The following CNTROB variants were observed in gnomAD, a reference collection of about 807,000 sequenced individuals.
The protein encoded by CNTROB is centrobin.
Under a neutral mutation model 115.7 loss-of-function variants are expected in CNTROB, and 82 were observed. The observed-to-expected ratio is 0.71, with a 90% CI of 0.59 to 0.85. CNTROB has a LOEUF of 0.85. Ranked by LOEUF, CNTROB falls within the 40% of genes least tolerant of loss-of-function variation. The pLI is 0.00. For missense variants in CNTROB, 1,014 were observed against 1,144.4 expected (o/e 0.89, Z 1.64); for synonymous variants, 439 against 456.4 (o/e 0.96, Z 0.49).
intron 3 of CNTROB, 132 bp from the exon 4 acceptor site, chr17:7,934,857 A>G (rs1972953139): frequency 2.0e-6 from 2 of 1,020,972 alleles, no homozygotes; most frequent in Non-Finnish European, 2.8e-6. Flanking sequence ...CTATGGTTAT[A>G]TAGCTTTACG....
In CNTROB at chr17:7,934,472, T is replaced by C. The variant is rs1972904302; in HGVS notation, c.363T>C (p.Pro121=). 4 of 1,614,118 alleles carry C rather than the reference T, an allele frequency of 2.5e-6. No homozygotes were observed. The East Asian group carries it at 8.9e-5, about 36-fold the overall frequency. The change falls in exon 3 of 19, where the codon CCT becomes CCC. Residue 121 remains proline, a synonymous_variant. Transcript: ENST00000563694. ...CCCTCTGGCTGCCTGCAGGGGATCC[T>C]CTCATTCCTGGCGCTGGCTCAGAGA... The part of the protein sequence containing the change: ...QTSRDTAYRD[P]LIPGAGSERR...
In CNTROB at chr17:7,939,796, G is replaced by A; in HGVS notation, c.1164+47G>A. 6.5e-7 allele frequency: 1 copy of A among 1,537,604 alleles called. No homozygotes were observed. The highest frequency in any genetic ancestry group is 9.0e-7 in the Non-Finnish European group (1 of 1,112,082). On this transcript the variant is annotated intron_variant, in intron 8 of 18. Coordinates refer to ENST00000563694, the MANE Select transcript of CNTROB (RefSeq NM_053051.5). The surrounding 1 kb of genome is among the most constrained non-coding windows in gnomAD (Gnocchi z 4.4). ...GCTGAGGAACTAGGGAGTAGATGAA[G>A]GGCAAAATAATTGAATGGGATGGAA... is the stretch of plus-strand genomic sequence containing the variant.
chr17:7,944,317 C>T lies in CNTROB; in HGVS notation c.1571+69C>T, dbSNP rs756759830. 4.8e-5 allele frequency: 76 copies of T among 1,567,390 alleles called. No individual in the cohort carries two copies. Among genetic ancestry groups the T allele is most frequent in the East Asian group, 2.5e-4 (11 of 44,684 alleles). On this transcript the variant is annotated intron_variant, in intron 11 of 18. Transcript: ENST00000563694. The surrounding 1 kb of genome is among the most constrained non-coding windows in gnomAD (Gnocchi z 4.0). ...CCATGGGTAGAGCCCAAACTGGGAACGGTGAAGAGCTGCTCCCTTGATTGA... is the reference window on the plus strand; with the variant it reads ...CCATGGGTAGAGCCCAAACTGGGAATGGTGAAGAGCTGCTCCCTTGATTGA...
Position 7,933,060 on chromosome 17 carries a change from G to T in CNTROB, c.-20G>T, listed in dbSNP as rs1243214584. 6.2e-7 allele frequency: 1 copy of T among 1,608,590 alleles called. No homozygotes were observed. The highest frequency in any genetic ancestry group is 2.2e-5 in the East Asian group (1 of 44,832). ...ACCTCCCAGCTCTTTGCTGTCTCCG[G>T]TTGTCTCTTCCCTGTATTCATGGCA... On this transcript the variant is annotated 5_prime_UTR_variant, in exon 1 of 19. Transcript: ENST00000563694.
chr17:7,948,857 GTTTTT>G lies in CNTROB; in HGVS notation c.2514-225_2514-221del, dbSNP rs764367404. On this transcript the variant is annotated intron_variant, in intron 17 of 18. Coordinates refer to ENST00000563694, the MANE Select transcript of CNTROB (RefSeq NM_053051.5). This position sits in a 1 kb window ranked among gnomAD's most constrained non-coding sequence, Gnocchi z 4.4. ...CTTTTCCCCGGGTCTCTCTACCTTC[GTTTTT>G]TTCCTCTTTACCCCTCAGCTCAAAA... 3.0e-5 allele frequency: 43 copies of G among 1,455,858 alleles called. No individual in the cohort carries two copies. Among genetic ancestry groups the G allele is most frequent in the Non-Finnish European group, 3.8e-5 (42 of 1,104,344 alleles). 90.2% of individuals were successfully genotyped at this position (1,455,858 alleles called of 1,614,324 possible). A position where few individuals can be genotyped will look rare whatever the true frequency, so the allele number is the denominator to read the frequency against.
chr17:7,934,929 T>A, intron 3 of CNTROB, 60 bp from the exon 4 acceptor site: 1 of 1,514,714 alleles, frequency 6.6e-7, no homozygotes, highest in Non-Finnish European at 8.8e-7. Flanking sequence ...AATATCACAG[T>A]TGGACAAGTG....
intron 14 of CNTROB, 95 bp downstream of exon 14, chr17:7,947,817 TG>T (rs1821867215): frequency 6.2e-7 from 1 of 1,605,638 alleles, no homozygotes; most frequent in African/African-American, 1.3e-5. Flanking sequence ...CCTCATTCCC[TG>T]TTTATGACTA....
chr17:7,940,207 A>G lies in CNTROB; in HGVS notation c.1276A>G (p.Arg426Gly), dbSNP rs1473690125. 3.7e-6 allele frequency: 6 copies of G among 1,611,124 alleles called. No individual in the cohort carries two copies. The highest frequency in any genetic ancestry group is 5.1e-6 in the Non-Finnish European group (6 of 1,179,338). Residue 426 changes from arginine (R) to glycine (G), a missense_variant, in exon 9 of 19, where the codon AGA becomes GGA. Coordinates refer to ENST00000563694, the MANE Select transcript of CNTROB (RefSeq NM_053051.5). ...AGAGCTGGATACAGCTCGGAGAGAG[A>G]GAGATGCCCTGCAGCTGGAAATGAG... is the stretch of plus-strand genomic sequence containing the variant. ...EGELDTARRE[R>G]DALQLEMSLV...
chr17:7,936,730 C>A lies in CNTROB; in HGVS notation c.741C>A (p.Asn247Lys). ...KTLARVVEGWNRHEAERTEVL... is the reference protein window; with the variant it reads ...KTLARVVEGWKRHEAERTEVL... ...TGGCCCGTGTGGTGGAGGGCTGGAA[C>A]CGGCATGAGGCTGAGCGGACAGAGG... Residue 247 changes from asparagine to lysine, a missense_variant, in exon 6 of 19, where the codon AAC becomes AAA. Physicochemically the swap from Asn to Lys is moderately conservative, Grantham distance 94 (BLOSUM62 0). Coordinates refer to ENST00000563694, the MANE Select transcript of CNTROB (RefSeq NM_053051.5). 1 of 1,538,794 alleles carries A rather than the reference C, an allele frequency of 6.5e-7. No homozygotes were observed. Among genetic ancestry groups the A allele is most frequent in the Non-Finnish European group, 9.0e-7 (1 of 1,111,162 alleles).
Position 7,949,580 on chromosome 17 carries a change from C to A in CNTROB, c.*70C>A. The A allele has an allele frequency of 6.9e-7, 1 of 1,456,596 alleles. No individual in the cohort carries two copies. Among genetic ancestry groups the A allele is most frequent in the East Asian group, 2.4e-5 (1 of 41,756 alleles). The allele number at this position is 1,456,596 out of a possible 1,614,324, so 90.2% of individuals were successfully genotyped here. ...TTAATAAATGCTCATTAGTCTGTAT[C>A]AGAGTCTCTGGCTCATAGGAATTTG... is the stretch of plus-strand genomic sequence containing the variant. On this transcript the variant is annotated 3_prime_UTR_variant, in exon 19 of 19. Transcript: ENST00000563694.
rs2151769721 is a variant in CNTROB at position 7,944,758 on chromosome 17, G to A, written c.1734+120G>A. The A allele has an allele frequency of 8.3e-7, 1 of 1,201,364 alleles. No homozygotes were observed. The highest frequency in any genetic ancestry group is 1.1e-6 in the Non-Finnish European group (1 of 882,096). The allele number at this position is 1,201,364 out of a possible 1,614,324, so 74.4% of individuals were successfully genotyped here. On this transcript the variant is annotated intron_variant, in intron 12 of 18. Coordinates refer to ENST00000563694, the MANE Select transcript of CNTROB (RefSeq NM_053051.5). This position sits in a 1 kb window ranked among gnomAD's most constrained non-coding sequence, Gnocchi z 4.0. ...ACTGGTGAGATCATAGCTCATTGCA[G>A]CCTCGAACTCCTGGGCTCAAGTGAT...
chr17:7,946,869 TAAAAAAA>T (rs35177972), intron 13 of CNTROB, among the ~76,000 whole-genome samples: 5 of 145,124 alleles, frequency 3.4e-5, no homozygotes, highest in Admixed American at 6.8e-5. Flanking sequence ...CTCTGTCTCT[TAAAAAAA>T]AAAAAAAGAG....
chr17:7,948,653 CG>C lies in CNTROB; in HGVS notation c.2513+37del, dbSNP rs1974851578. The C allele has an allele frequency of 6.2e-7, 1 of 1,613,930 alleles. No individual in the cohort carries two copies. Among genetic ancestry groups the C allele is most frequent in the Non-Finnish European group, 8.5e-7 (1 of 1,180,006 alleles). On this transcript the variant is annotated intron_variant, in intron 17 of 18. Coordinates refer to ENST00000563694, the MANE Select transcript of CNTROB (RefSeq NM_053051.5). The surrounding 1 kb of genome is among the most constrained non-coding windows in gnomAD (Gnocchi z 4.4). Reference sequence around the variant, plus strand: ...CTGGGAGGAAGGAGGAAGGATTCTCCGGGTGGAAGCTGGATTATGGGGAGTG... The same window carrying C: ...CTGGGAGGAAGGAGGAAGGATTCTCCGGTGGAAGCTGGATTATGGGGAGTG...
At position 7,949,151 on chromosome 17, in the gene CNTROB, G is replaced by GA; in HGVS notation, c.2583dup (p.Glu862ArgfsTer18). On this transcript the variant is annotated frameshift_variant, in exon 18 of 19. Transcript: ENST00000563694. LOFTEE classifies it high-confidence loss of function. Reference sequence around the variant, plus strand: ...ACTCCCGCTTGGGTGAGATCCCCCGGAAAGAGGTGAGGGAAAGTCAGGCAG... The same window carrying GA: ...ACTCCCGCTTGGGTGAGATCCCCCGGAAAAGAGGTGAGGGAAAGTCAGGCAG... The GA allele has an allele frequency of 6.2e-7, 1 of 1,614,052 alleles. No homozygotes were observed. The highest frequency in any genetic ancestry group is 1.7e-5 in the Admixed American group (1 of 60,014).
At chr17:7,942,131 G>A (rs58998618) in intron 9 of CNTROB, among the ~76,000 whole-genome samples, 1,755 of 152,052 alleles carry the variant, frequency 0.012, 30 homozygotes, top group African/African-American at 0.04. Context: ...GCTGGGTGTT[G>A]TGGCACCAGC....
At chr17:7,945,134 C>T (rs1974368556) in intron 12 of CNTROB, among the ~76,000 whole-genome samples, 1 of 152,094 alleles carries the variant, frequency 6.6e-6, no homozygotes, top group Non-Finnish European at 1.5e-5. Flanking sequence ...AAATTGTTGC[C>T]AAGTCCTGCC....
rs1974691010 is a variant in CNTROB, at chr17:7,947,555, C to T, written c.1994-16C>T. 1.3e-6 allele frequency: 2 copies of T among 1,592,048 alleles called. No individual in the cohort carries two copies. The highest frequency in any genetic ancestry group is 1.7e-6 in the Non-Finnish European group (2 of 1,165,474). ...TGAACACACTTGCACCCACCCATAC[C>T]TGTTTCACTTTATAGCTGGGGCCTT... On this transcript the variant is annotated splice_polypyrimidine_tract_variant and intron_variant, in intron 13 of 18. Coordinates refer to ENST00000563694, the MANE Select transcript of CNTROB (RefSeq NM_053051.5).
In CNTROB at chr17:7,940,252, C is replaced by T. The variant is rs528523706; in HGVS notation, c.1311+10C>T. The T allele has an allele frequency of 8.2e-6, 13 of 1,589,362 alleles. No individual in the cohort carries two copies. The Admixed American group carries it at 1.8e-4, about 22-fold the overall frequency. On this transcript the variant is annotated intron_variant, in intron 9 of 18. Transcript: ENST00000563694. ...AATGAGCTTGGTGCAGGTCAGAAGG[C>T]AGAGGTTTCTTGAGGTTTTGTTCTG... is the stretch of plus-strand genomic sequence containing the variant.
At chr17:7,946,756 A>T (rs537233041) in intron 13 of CNTROB, among the ~76,000 whole-genome samples, 26 of 151,994 alleles carry the variant, frequency 1.7e-4, no homozygotes, top group Non-Finnish European at 3.7e-4. Context: ...ATTTCCAGCT[A>T]CCCAGGGAGG....
Sources: gnomAD v4.1 joint callset for allele counts (sites outside exome capture counted in the v4.1 genomes callset) on GRCh38, gnomAD v4.1.1 for gene constraint, Gnocchi (gnomAD v3.1) non-coding constraint, MANE v1.5 for transcripts, NCBI Gene and HGNC (gene_info 2026-07-23, HGNC 2026-07-21) for gene names.